The following SEPTIN7 variants were observed in gnomAD, a reference collection of about 807,000 sequenced individuals.
SEPTIN7 encodes the protein septin 7, also known as septin-7.
A neutral mutation model predicts 63.3 loss-of-function variants in SEPTIN7; 10 were observed. The ratio of observed to expected loss-of-function variants is 0.16; its 90% CI spans 0.10 to 0.27. The LOEUF (loss-of-function observed/expected upper bound fraction) is 0.27. Ranked by LOEUF, SEPTIN7 falls within the 10% of genes least tolerant of loss-of-function variation. The pLI, the probability that SEPTIN7 is intolerant of heterozygous loss-of-function variation, is 1.00. For missense variants in SEPTIN7, 310 were observed against 521.0 expected, an observed-to-expected ratio of 0.59 and a Z score of 3.94; for synonymous variants, 131 against 165.3, an observed-to-expected ratio of 0.79 and a Z score of 1.59.
intron 3 of SEPTIN7, among the ~76,000 whole-genome samples, chr7:35,843,222 G>C (rs979828243): frequency 1.3e-5 from 2 of 152,162 alleles, no homozygotes; most frequent in African/African-American, 4.8e-5. Flanking sequence ...TGTAATTAAG[G>C]GGGAGGCAGT....
intron 1 of SEPTIN7, chr7:35,815,243 G>C: frequency 2.6e-6 from 1 of 384,666 alleles, no homozygotes; most frequent in Admixed American, 3.3e-5. Flanking sequence ...TTTGAGAGTA[G>C]TGATTAAGAA....
rs543952717 is a variant in SEPTIN7, at chr7:35,876,853, C to T, written c.513-2970C>T. On this transcript the variant is annotated intron_variant, in intron 6 of 13. Transcript: ENST00000350320. The stretch of plus-strand genomic sequence containing the variant: ...GCTTGGTGGTGGATGCCTGTAATCC[C>T]AGCTACTCAGGAGGCTGAGGCAGGA... Among the ~76,000 whole-genome samples the T allele has an allele frequency of 2.0e-5, 3 of 152,156 alleles. No individual in the cohort carries two copies. In the South Asian group the frequency reaches 6.2e-4, roughly 32 times the overall value.
At chr7:35,875,742 G>A (rs1480067917) in intron 6 of SEPTIN7, among the ~76,000 whole-genome samples, 1 of 152,042 alleles carries the variant, frequency 6.6e-6, no homozygotes, top group Non-Finnish European at 1.5e-5. Context: ...GTCATCCAGT[G>A]AGTTTTATAC....
intron 1 of SEPTIN7, among the ~76,000 whole-genome samples, chr7:35,807,379 T>A (rs934942930): frequency 2.6e-5 from 3 of 114,360 alleles, no homozygotes; most frequent in African/African-American, 1.0e-4. Context: ...TTTTTTTTTT[T>A]TAGATGGAGT....
intron 9 of SEPTIN7, among the ~76,000 whole-genome samples, chr7:35,885,362 C>T (rs1453553897): frequency 6.6e-6 from 1 of 152,110 alleles, no homozygotes; most frequent in African/African-American, 2.4e-5. Flanking sequence ...GTTTACCCCT[C>T]TACTCCCAAG....
intron 6 of SEPTIN7, among the ~76,000 whole-genome samples, chr7:35,876,634 A>G (rs760588325): frequency 2.0e-5 from 3 of 152,126 alleles, no homozygotes; most frequent in African/African-American, 7.2e-5. Flanking sequence ...GAGGCCACAG[A>G]CTAGGCAACA....
At chr7:35,841,224 C>G (rs1011728590) in intron 3 of SEPTIN7, among the ~76,000 whole-genome samples, 2 of 150,780 alleles carry the variant, frequency 1.3e-5, no homozygotes, top group African/African-American at 2.4e-5. Flanking sequence ...GATTCTGTCT[C>G]AAACGTAAAA....
chr7:35,908,755 G>A (rs562370020), downstream of SEPTIN7, among the ~76,000 whole-genome samples: 1 of 152,328 alleles, frequency 6.6e-6, no homozygotes, highest in African/African-American at 2.4e-5. Context: ...TTGCAAGGGA[G>A]CAGCATTTCA....
Position 35,905,812 on chromosome 7 carries a change from T to A in SEPTIN7, c.*1519T>A, listed in dbSNP as rs1472576582. ...ACTCTCAAGTCCCTGGAAACTGAAA[T>A]TTTTTTTAACTGTAAAGAGGGTAGT... On this transcript the variant is annotated 3_prime_UTR_variant, in exon 14 of 14. Coordinates refer to ENST00000350320, the MANE Select transcript of SEPTIN7 (RefSeq NM_001788.6). The A allele has an allele frequency of 6.6e-6, 1 of 152,130 alleles. No homozygotes were observed. The highest frequency in any genetic ancestry group is 1.5e-5 in the Non-Finnish European group (1 of 67,998). 9.4% of individuals were successfully genotyped at this position (152,130 alleles called of 1,614,324 possible). A position where few individuals can be genotyped will look rare whatever the true frequency, so the allele number is the denominator to read the frequency against.
intron 6 of SEPTIN7, among the ~76,000 whole-genome samples, chr7:35,874,509 A>G (rs1190346283): frequency 6.6e-6 from 1 of 152,124 alleles, no homozygotes; most frequent in African/African-American, 2.4e-5. Flanking sequence ...CTCAGTATAT[A>G]TAATTCAGCC....
At chr7:35,828,378 T>C (rs1246331081) in intron 1 of SEPTIN7, among the ~76,000 whole-genome samples, 1 of 152,092 alleles carries the variant, frequency 6.6e-6, no homozygotes, top group African/African-American at 2.4e-5. Context: ...CTCGACCCCC[T>C]TCTTCTTTTT....
intron 3 of SEPTIN7, among the ~76,000 whole-genome samples, chr7:35,841,162 A>G (rs898391072): frequency 6.6e-6 from 1 of 152,132 alleles, no homozygotes; most frequent in African/African-American, 2.4e-5. Flanking sequence ...CAGGGGTTGC[A>G]GTGAGCCGAG....
the SEPTIN7 span, among the ~76,000 whole-genome samples, chr7:35,915,173 AC>A: frequency 2.0e-5 from 3 of 152,072 alleles, no homozygotes; most frequent in Non-Finnish European, 4.4e-5. Context: ...ATATATACAC[AC>A]ATATACATAT....
At chr7:35,884,009 G>A in intron 9 of SEPTIN7, 22 bp downstream of exon 9, 1 of 1,439,910 alleles carries the variant, frequency 6.9e-7, no homozygotes, top group Non-Finnish European at 9.8e-7. Context: ...TTCAGTGAAT[G>A]ACTTTCTAAA....
intron 4 of SEPTIN7, 114 bp from the exon 5 acceptor site, chr7:35,872,552 T>G: frequency 1.4e-6 from 1 of 723,054 alleles, no homozygotes; most frequent in South Asian, 1.6e-5. Context: ...AGATTTAGTT[T>G]GCTAACAGTT....
At chr7:35,895,732 AT>A (rs1339366216) in intron 11 of SEPTIN7, among the ~76,000 whole-genome samples, 2 of 152,008 alleles carry the variant, frequency 1.3e-5, no homozygotes, top group Admixed American at 6.6e-5. Context: ...CAAATCACTA[AT>A]TTTTTTTCCT....
intron 10 of SEPTIN7, among the ~76,000 whole-genome samples, chr7:35,889,068 T>A (rs58918750): frequency 0.52 from 78,511 of 151,994 alleles, 21,985 homozygotes; most frequent in Admixed American, 0.63. Context: ...AGATATGATG[T>A]CACCTGTGAC....
chr7:35,873,707 G>C lies in SEPTIN7; in HGVS notation c.444G>C (p.Val148=). ...FEDYLNAESR[V]NRRQMPDNRV... ...ACTACCTAAATGCAGAATCACGAGT[G>C]AACAGACGTCAGATGCCTGATAACA... The change falls in exon 6 of 14, where the codon GTG becomes GTC. Residue 148 remains valine, a synonymous_variant. Coordinates refer to ENST00000350320, the MANE Select transcript of SEPTIN7 (RefSeq NM_001788.6). 1 of 1,610,954 alleles carries C rather than the reference G, an allele frequency of 6.2e-7. No homozygotes were observed. The highest frequency in any genetic ancestry group is 8.5e-7 in the Non-Finnish European group (1 of 1,179,164).
At chr7:35,890,225 A>G (rs1787549365) in intron 10 of SEPTIN7, among the ~76,000 whole-genome samples, 1 of 152,194 alleles carries the variant, frequency 6.6e-6, no homozygotes, top group Non-Finnish European at 1.5e-5. Flanking sequence ...AAACAACTTG[A>G]TATGTGATCT....
Sources: allele counts gnomAD v4.1 joint callset (sites outside exome capture counted in the v4.1 genomes callset), GRCh38; gene constraint gnomAD v4.1.1; transcripts MANE v1.5; gene names NCBI Gene and HGNC (gene_info 2026-07-23, HGNC 2026-07-21).